FBXO34: variants seen among roughly 807,000 people sequenced by gnomAD.
FBXO34 encodes the protein F-box only protein 34.
FBXO34 carries 12 observed loss-of-function variants against 24.5 expected under a neutral mutation model. That is an observed-to-expected ratio of 0.49 (90% CI 0.31 to 0.79). The LOEUF (loss-of-function observed/expected upper bound fraction) is 0.79. Among genes scored for constraint, FBXO34 ranks in the 30% least tolerant of loss-of-function variants. The pLI is 0.04. For synonymous variants in FBXO34, 320 were observed against 311.9 expected, an observed-to-expected ratio of 1.03 and a Z score of -0.27; for missense variants, 823 against 857.7, an observed-to-expected ratio of 0.96 and a Z score of 0.51.
the FBXO34 span, among the ~76,000 whole-genome samples, chr14:55,384,200 TAAATA>T: frequency 6.6e-6 from 1 of 152,220 alleles, no homozygotes; most frequent in Non-Finnish European, 1.5e-5. Flanking sequence ...TAACATACAC[TAAATA>T]AAAGATTAAA....
chr14:55,355,802 C>T (rs1360895197), downstream of FBXO34, among the ~76,000 whole-genome samples: 3 of 152,234 alleles, frequency 2.0e-5, no homozygotes, highest in Non-Finnish European at 2.9e-5. Context: ...GTGCATTCCT[C>T]TCGAGTGACC....
At chr14:55,374,940 A>G (rs1228555648), downstream of FBXO34, among the ~76,000 whole-genome samples, 2 of 152,124 alleles carry the variant, frequency 1.3e-5, no homozygotes, top group African/African-American at 2.4e-5. Flanking sequence ...ATCCCTCATT[A>G]TTGTTTTCAA....
chr14:55,365,836 C>T (rs1884665719), downstream of FBXO34, among the ~76,000 whole-genome samples: 1 of 152,138 alleles, frequency 6.6e-6, no homozygotes, highest in African/African-American at 2.4e-5. Flanking sequence ...TGGCCTGGCT[C>T]TTCCACAGTA....
chr14:55,350,895 G>A lies in FBXO34; in HGVS notation c.505G>A (p.Glu169Lys). The change falls in exon 2 of 2, where the codon GAG becomes AAG. Residue 169 changes from glutamate (E) to lysine (K), a missense_variant. Around this residue, in one of 2 missense-constraint regions of FBXO34, gnomAD observed 693 missense variants for 659.1 expected, o/e 1.05. Transcript: ENST00000313833. The part of the protein sequence containing the change: ...KAKVQVERMR[E>K]VNSRCYQPEP... ...CAAGGTACAGGTGGAAAGGATGAGG[G>A]AGGTTAACAGCAGGTGCTACCAACC... is the stretch of plus-strand genomic sequence containing the variant. 6.2e-7 allele frequency: 1 copy of A among 1,613,850 alleles called. No individual in the cohort carries two copies. The highest frequency in any genetic ancestry group is 1.1e-5 in the South Asian group (1 of 90,992).
intron 1 of FBXO34, among the ~76,000 whole-genome samples, chr14:55,284,651 C>CTT (rs1881696564): frequency 1.5e-5 from 2 of 134,782 alleles, no homozygotes; most frequent in African/African-American, 5.5e-5. Context: ...AACAGGGTCT[C>CTT]TGTCACCCAA....
chr14:55,374,378 A>G (rs1281010758), downstream of FBXO34, among the ~76,000 whole-genome samples: 3 of 151,960 alleles, frequency 2.0e-5, no homozygotes, highest in Non-Finnish European at 2.9e-5. Flanking sequence ...TCTTTTGTCT[A>G]TTTTTCTAAT....
At chr14:55,288,686 G>C (rs1881843986) in intron 1 of FBXO34, among the ~76,000 whole-genome samples, 5 of 152,112 alleles carry the variant, frequency 3.3e-5, no homozygotes. Context: ...CAGAGAAAAG[G>C]CTTGTTGGAC....
chr14:55,315,614 G>A (rs1334133350), intron 1 of FBXO34, among the ~76,000 whole-genome samples: 1 of 152,162 alleles, frequency 6.6e-6, no homozygotes, highest in South Asian at 2.1e-4. Flanking sequence ...TTAATCGATT[G>A]TATGGTTGGG....
chr14:55,324,755 T>C (rs1296791829), intron 1 of FBXO34, among the ~76,000 whole-genome samples: 1 of 152,226 alleles, frequency 6.6e-6, no homozygotes, highest in East Asian at 1.9e-4. Context: ...TTTTCCTCTA[T>C]CCCTAGTTTG....
At chr14:55,329,868 G>A (rs753482193) in intron 1 of FBXO34, among the ~76,000 whole-genome samples, 3 of 151,752 alleles carry the variant, frequency 2.0e-5, no homozygotes, top group Non-Finnish European at 2.9e-5. Flanking sequence ...TTACCTTTTT[G>A]ACTAGCGTTT....
At chr14:55,329,698 CT>C (rs1167733828) in intron 1 of FBXO34, among the ~76,000 whole-genome samples, 1 of 151,726 alleles carries the variant, frequency 6.6e-6, no homozygotes, top group Admixed American at 6.6e-5. Flanking sequence ...GCTTGAAGTC[CT>C]TTTTTTTAAG....
the FBXO34 span, among the ~76,000 whole-genome samples, chr14:55,409,940 T>A: frequency 2.6e-5 from 4 of 151,970 alleles, no homozygotes; most frequent in East Asian, 1.9e-4. Context: ...TTGGACCAGG[T>A]GATGGTGAAA....
chr14:55,306,780 C>T (rs1381632319), intron 1 of FBXO34, among the ~76,000 whole-genome samples: 2 of 152,102 alleles, frequency 1.3e-5, no homozygotes, highest in African/African-American at 4.8e-5. Context: ...TTGCAGTGAG[C>T]TTAGATTGCA....
chr14:55,354,854 T>C (rs1884496674), downstream of FBXO34, among the ~76,000 whole-genome samples: 1 of 152,148 alleles, frequency 6.6e-6, no homozygotes, highest in South Asian at 2.1e-4. Context: ...TCTCCAGTAG[T>C]GTGCCGCACT....
At chr14:55,437,120 T>A in the FBXO34 span, 1 of 1,014,532 alleles carries the variant, frequency 9.9e-7, no homozygotes, top group Non-Finnish European at 1.5e-6. Flanking sequence ...ATGTATTCAG[T>A]GTAAGAGGCA....
downstream of FBXO34, among the ~76,000 whole-genome samples, chr14:55,357,900 G>A (rs1281323066): frequency 6.6e-6 from 1 of 152,164 alleles, no homozygotes; most frequent in Non-Finnish European, 1.5e-5. Context: ...GAGTAAAATG[G>A]AAAGCAAGGT....
At chr14:55,302,263 T>C (rs1882382172) in intron 1 of FBXO34, among the ~76,000 whole-genome samples, 1 of 152,186 alleles carries the variant, frequency 6.6e-6, no homozygotes, top group Non-Finnish European at 1.5e-5. Flanking sequence ...GGTGATTTTT[T>C]GGAATATATT....
chr14:55,307,078 G>A (rs933759114), intron 1 of FBXO34, among the ~76,000 whole-genome samples: 2 of 152,188 alleles, frequency 1.3e-5, no homozygotes, highest in African/African-American at 4.8e-5. Context: ...TGATTGTTCT[G>A]AATTGCTATG....
At chr14:55,396,076 T>C in the FBXO34 span, 3 of 808,576 alleles carry the variant, frequency 3.7e-6, no homozygotes, top group South Asian at 4.7e-5. Flanking sequence ...ATTAAGTCCT[T>C]AGAAATGGCT....
Sources: allele counts gnomAD v4.1 joint callset (sites outside exome capture counted in the v4.1 genomes callset), GRCh38; gene constraint gnomAD v4.1.1; regional missense constraint gnomAD v4.1.1; transcripts MANE v1.5; gene names NCBI Gene and HGNC (gene_info 2026-07-23, HGNC 2026-07-21).